The following GALNTL6 variants were observed in gnomAD, a reference collection of about 807,000 sequenced individuals.
GALNTL6 encodes polypeptide N-acetylgalactosaminyltransferase like 6, also known as polypeptide N-acetylgalactosaminyltransferase-like 6.
GALNTL6 carries 46 observed loss-of-function variants against 73.7 expected under a neutral mutation model. That is an observed-to-expected ratio of 0.62 (90% CI 0.49 to 0.80). GALNTL6 has a LOEUF of 0.80. GALNTL6 is among the 30% of genes least tolerant of loss of function. The probability of loss-of-function intolerance (pLI) is 0.00; values close to 1 mark genes in which losing one functional copy is unlikely to be tolerated. For missense variants in GALNTL6, 604 were observed against 755.0 expected (o/e 0.80, Z 2.34); for synonymous variants, 259 against 263.7 (o/e 0.98, Z 0.17).
At chr4:172,000,549 G>A (rs1442985209) in intron 2 of GALNTL6, among the ~76,000 whole-genome samples, 1 of 152,116 alleles carries the variant, frequency 6.6e-6, no homozygotes, top group African/African-American at 2.4e-5. Context: ...GCCGAAGCAG[G>A]GAAAGGTGGG....
chr4:172,051,593 T>C (rs990510566), intron 2 of GALNTL6, among the ~76,000 whole-genome samples: 3 of 152,144 alleles, frequency 2.0e-5, no homozygotes, highest in African/African-American at 7.2e-5. Flanking sequence ...CAGACGTTCC[T>C]TTTCTTCTTG....
intron 5 of GALNTL6, among the ~76,000 whole-genome samples, chr4:172,390,550 C>G (rs185271334): frequency 6.6e-6 from 1 of 152,184 alleles, no homozygotes. Flanking sequence ...AGCATGTCTA[C>G]GCAGCATGTG....
intron 8 of GALNTL6, among the ~76,000 whole-genome samples, chr4:172,898,675 T>C (rs1420906988): frequency 2.0e-5 from 3 of 152,204 alleles, no homozygotes; most frequent in Non-Finnish European, 4.4e-5. Context: ...AGAATACAGC[T>C]AACTTTTAAA....
chr4:172,401,885 T>G (rs1323228677), intron 5 of GALNTL6, among the ~76,000 whole-genome samples: 1 of 132,906 alleles, frequency 7.5e-6, no homozygotes, highest in African/African-American at 2.8e-5. Context: ...GTGCCTTCCC[T>G]GGCTTCTGGA....
chr4:172,534,985 C>T (rs1459318976), intron 5 of GALNTL6, among the ~76,000 whole-genome samples: 1 of 152,062 alleles, frequency 6.6e-6, no homozygotes, highest in Non-Finnish European at 1.5e-5. Context: ...TTGTATAAGG[C>T]CATCTATATA....
At chr4:171,868,544 C>A (rs528831329) in intron 2 of GALNTL6, among the ~76,000 whole-genome samples, 4 of 152,274 alleles carry the variant, frequency 2.6e-5, no homozygotes, top group South Asian at 2.1e-4. Context: ...TATCCAGCAG[C>A]AAACTTTCTT....
At chr4:171,896,255 T>C (rs930050124) in intron 2 of GALNTL6, among the ~76,000 whole-genome samples, 7 of 152,248 alleles carry the variant, frequency 4.6e-5, no homozygotes, top group African/African-American at 1.7e-4. Context: ...TTTCCTTAAT[T>C]TCTTAATACT....
At chr4:172,432,129 T>A (rs966655946) in intron 5 of GALNTL6, among the ~76,000 whole-genome samples, 2 of 152,068 alleles carry the variant, frequency 1.3e-5, no homozygotes, top group African/African-American at 2.4e-5. Context: ...CATATCATAA[T>A]AGAATTCTTG....
intron 8 of GALNTL6, among the ~76,000 whole-genome samples, chr4:172,918,846 C>G (rs926337573): frequency 6.6e-6 from 1 of 152,172 alleles, no homozygotes; most frequent in African/African-American, 2.4e-5. Context: ...AACTGAAGCT[C>G]GGTTCACTGT....
In GALNTL6 at chr4:171,914,849, TA is replaced by T. The variant is rs527294219; in HGVS notation, c.138+100132del. Among the ~76,000 whole-genome samples the T allele has an allele frequency of 5.0e-3, 765 of 151,682 alleles. 13 individuals carry two copies. Among genetic ancestry groups the T allele is most frequent in the African/African-American group, 0.017 (719 of 41,380 alleles). ...AAATTTTTGATTCAATATTTTAGAG[TA>T]TTTTTTTACACAGTTTGATAGGATC... On this transcript the variant is annotated intron_variant, in intron 2 of 12. Transcript: ENST00000506823.
chr4:172,682,850 GA>G (rs1246585144), intron 5 of GALNTL6, among the ~76,000 whole-genome samples: 1 of 151,492 alleles, frequency 6.6e-6, no homozygotes, highest in Non-Finnish European at 1.5e-5. Flanking sequence ...GAGCTAAGGG[GA>G]AAAAAATTAG....
chr4:172,276,184 A>G (rs1159514018), intron 3 of GALNTL6, among the ~76,000 whole-genome samples: 1 of 152,178 alleles, frequency 6.6e-6, no homozygotes, highest in African/African-American at 2.4e-5. Context: ...GTGGGTCTTC[A>G]CAGAAAAGAT....
intron 5 of GALNTL6, among the ~76,000 whole-genome samples, chr4:172,618,913 G>A (rs1280751044): frequency 1.3e-5 from 2 of 151,922 alleles, no homozygotes; most frequent in Non-Finnish European, 1.5e-5. Context: ...TAATAAAGAC[G>A]GGGTTTCACC....
intron 5 of GALNTL6, among the ~76,000 whole-genome samples, chr4:172,396,123 A>C (rs60829528): frequency 0.025 from 3,733 of 152,088 alleles, 156 homozygotes; most frequent in African/African-American, 0.084. Context: ...TGTATCTCAA[A>C]TATGTACATT....
At chr4:172,267,958 C>T (rs965695631) in intron 3 of GALNTL6, among the ~76,000 whole-genome samples, 16 of 152,256 alleles carry the variant, frequency 1.1e-4, no homozygotes, top group African/African-American at 3.6e-4. Flanking sequence ...ATTATGCTGA[C>T]ACCAACATAT....
chr4:172,005,115 T>C (rs1740797177), intron 2 of GALNTL6, among the ~76,000 whole-genome samples: 2 of 151,616 alleles, frequency 1.3e-5, no homozygotes, highest in Admixed American at 6.6e-5. Flanking sequence ...TTTTATTTTA[T>C]TTTATTTTAT....
intron 7 of GALNTL6, among the ~76,000 whole-genome samples, chr4:172,857,133 A>G (rs1487980273): frequency 6.6e-6 from 1 of 152,188 alleles, no homozygotes; most frequent in Non-Finnish European, 1.5e-5. Context: ...AGTCTTCATC[A>G]CTGTCACCAT....
intron 2 of GALNTL6, among the ~76,000 whole-genome samples, chr4:171,975,723 G>A (rs1739701123): frequency 2.0e-5 from 3 of 152,160 alleles, no homozygotes; most frequent in Admixed American, 2.0e-4. Flanking sequence ...ATTTTAGGTA[G>A]TACCTTTCAA....
At chr4:172,428,560 C>A (rs1731311772) in intron 5 of GALNTL6, among the ~76,000 whole-genome samples, 1 of 152,136 alleles carries the variant, frequency 6.6e-6, no homozygotes, top group Admixed American at 6.6e-5. Context: ...CTAATAGCTG[C>A]CAAATCTCTT....
Sources: allele counts gnomAD v4.1 joint callset (sites outside exome capture counted in the v4.1 genomes callset), GRCh38; gene constraint gnomAD v4.1.1; transcripts MANE v1.5; gene names NCBI Gene and HGNC (gene_info 2026-07-23, HGNC 2026-07-21).